OXCT1: variants seen among roughly 807,000 people sequenced by gnomAD.
OXCT1 encodes succinyl-CoA:3-ketoacid coenzyme A transferase 1, mitochondrial.
Under a neutral mutation model 69.6 loss-of-function variants are expected in OXCT1, and 27 were observed. That is an observed-to-expected ratio of 0.39 (90% CI 0.29 to 0.54). The LOEUF (loss-of-function observed/expected upper bound fraction) is 0.54. Ranked by LOEUF, OXCT1 falls within the 20% of genes least tolerant of loss-of-function variation. The probability of loss-of-function intolerance (pLI) is 0.72; values close to 1 mark genes in which losing one functional copy is unlikely to be tolerated. For missense variants in OXCT1, 437 were observed against 650.2 expected (o/e 0.67, Z 3.57); for synonymous variants, 202 against 217.8 (o/e 0.93, Z 0.64).
chr5:41,852,309 T>C lies in OXCT1; in HGVS notation c.414+1110A>G, dbSNP rs550129305. Among the ~76,000 whole-genome samples, 90 of 152,336 alleles carry C rather than the reference T, an allele frequency of 5.9e-4. 1 individual carries two copies. The South Asian group carries it at 0.018, about 30-fold the overall frequency. ...GTGCTATAGAGTGACCAGGTGTGACTGCAACACGAGCCTCAGAATAGTTCC... is the reference window on the plus strand; with the variant it reads ...GTGCTATAGAGTGACCAGGTGTGACCGCAACACGAGCCTCAGAATAGTTCC... On this transcript the variant is annotated intron_variant, in intron 4 of 16. Coordinates refer to ENST00000196371, the MANE Select transcript of OXCT1 (RefSeq NM_000436.4).
At chr5:41,782,472 C>T (rs758388482) in intron 13 of OXCT1, among the ~76,000 whole-genome samples, 1 of 152,192 alleles carries the variant, frequency 6.6e-6, no homozygotes, top group African/African-American at 2.4e-5. Flanking sequence ...CCTTAGCCCC[C>T]CAAAGTGCTG....
chr5:41,794,412 CAG>C, intron 12 of OXCT1: 3 of 595,856 alleles, frequency 5.0e-6, no homozygotes, highest in Non-Finnish European at 8.9e-6. Context: ...TTAGAATCCT[CAG>C]AAAGCACCTT....
chr5:41,794,709 G>GA lies in OXCT1; in HGVS notation c.1139dup (p.Ser381LeufsTer4), dbSNP rs1561082133. The GA allele has an allele frequency of 1.2e-6, 2 of 1,613,670 alleles. No individual in the cohort carries two copies. Among genetic ancestry groups the GA allele is most frequent in the Non-Finnish European group, 1.7e-6 (2 of 1,179,952 alleles). On this transcript the variant is annotated frameshift_variant, in exon 12 of 17. Coordinates refer to ENST00000196371, the MANE Select transcript of OXCT1 (RefSeq NM_000436.4). LOFTEE classifies it high-confidence loss of function. ...TCATTGCAAATGATTCATCGCTGGA[G>GA]AAAAAAGAGGCTCCTGGAAGAATAG...
intron 6 of OXCT1, among the ~76,000 whole-genome samples, chr5:41,841,081 C>T (rs1748605853): frequency 6.6e-6 from 1 of 152,198 alleles, no homozygotes. Context: ...ATAACACCCA[C>T]ATCAGACCCC....
At chr5:41,786,395 G>A (rs1019602658) in intron 13 of OXCT1, among the ~76,000 whole-genome samples, 5 of 152,018 alleles carry the variant, frequency 3.3e-5, no homozygotes, top group South Asian at 4.1e-4. Flanking sequence ...GATCCTGGTG[G>A]GTGCCAAACA....
chr5:41,774,526 G>A (rs1337448080), intron 13 of OXCT1, among the ~76,000 whole-genome samples: 1 of 152,112 alleles, frequency 6.6e-6, no homozygotes, highest in Non-Finnish European at 1.5e-5. Flanking sequence ...CAAAAAGAAT[G>A]GAAGGACAAC....
chr5:41,756,822 A>C (rs1744101408), intron 14 of OXCT1, among the ~76,000 whole-genome samples: 1 of 152,080 alleles, frequency 6.6e-6, no homozygotes, highest in South Asian at 2.1e-4. Flanking sequence ...AGCCATGTGG[A>C]TAGCTAGGAA....
At chr5:41,740,885 T>C (rs182904055) in intron 15 of OXCT1, among the ~76,000 whole-genome samples, 325 of 152,242 alleles carry the variant, frequency 2.1e-3, no homozygotes, top group African/African-American at 7.4e-3. Context: ...TAAAATGTTA[T>C]GCATCCCAGA....
At position 41,789,592 on chromosome 5, in the gene OXCT1, AGTCT is replaced by A. The variant is rs538382512; in HGVS notation, c.1248+4407_1248+4410del. ...AGTAAAGAACCAGTATTTAAGCTCA[AGTCT>A]GTCTAATTCCAAAGTTTTATGAGCT... On this transcript the variant is annotated intron_variant, in intron 13 of 16. Coordinates refer to ENST00000196371, the MANE Select transcript of OXCT1 (RefSeq NM_000436.4). Among the ~76,000 whole-genome samples, 159 of 152,342 alleles carry A rather than the reference AGTCT, an allele frequency of 1.0e-3. 1 individual carries two copies. Among genetic ancestry groups the A allele is most frequent in the Non-Finnish European group, 1.9e-3 (129 of 68,026 alleles).
At chr5:41,754,428 C>T (rs749016034) in intron 14 of OXCT1, among the ~76,000 whole-genome samples, 1 of 151,974 alleles carries the variant, frequency 6.6e-6, no homozygotes, top group African/African-American at 2.4e-5. Context: ...TTATTTGTAA[C>T]ACAAAAGATA....
chr5:41,807,510 T>A, intron 7 of OXCT1, 72 bp from the exon 8 acceptor site: 1 of 834,540 alleles, frequency 1.2e-6, no homozygotes, highest in Non-Finnish European at 2.0e-6. Flanking sequence ...TTAAAAAGTA[T>A]ACACAACTTC....
intron 7 of OXCT1, among the ~76,000 whole-genome samples, chr5:41,820,444 A>G (rs1411170377): frequency 1.3e-5 from 2 of 152,216 alleles, no homozygotes. Flanking sequence ...ATGCACAAAA[A>G]TAATAATCAC....
intron 7 of OXCT1, among the ~76,000 whole-genome samples, chr5:41,830,293 G>C (rs964289677): frequency 2.0e-5 from 3 of 152,168 alleles, no homozygotes; most frequent in Admixed American, 6.5e-5. Context: ...CTTCAGAAAG[G>C]GTTGGTGGAA....
intron 1 of OXCT1, among the ~76,000 whole-genome samples, chr5:41,863,787 T>C (rs1749845986): frequency 6.6e-6 from 1 of 152,238 alleles, no homozygotes; most frequent in South Asian, 2.1e-4. Flanking sequence ...ACCCACCATG[T>C]GTCAAGTCCT....
chr5:41,761,533 C>T (rs1391070616), intron 14 of OXCT1, among the ~76,000 whole-genome samples: 1 of 152,068 alleles, frequency 6.6e-6, no homozygotes, highest in Non-Finnish European at 1.5e-5. Flanking sequence ...TTGGTCACTG[C>T]CACATCCTAG....
intron 5 of OXCT1, among the ~76,000 whole-genome samples, chr5:41,844,706 G>A (rs1748807737): frequency 6.6e-6 from 1 of 151,960 alleles, no homozygotes; most frequent in Non-Finnish European, 1.5e-5. Context: ...TCCAAACAGA[G>A]CTCTTTGATA....
intron 3 of OXCT1, among the ~76,000 whole-genome samples, chr5:41,859,075 G>T (rs949875645): frequency 6.6e-6 from 1 of 152,132 alleles, no homozygotes; most frequent in Non-Finnish European, 1.5e-5. Flanking sequence ...ACTCCATCCT[G>T]CCCGGGGTGT....
rs11425534 is a variant in OXCT1 at position 41,739,709 on chromosome 5, C to CA, written c.1420-219dup. On this transcript the variant is annotated intron_variant, in intron 15 of 16. Transcript: ENST00000196371. ...TGAAACCCCGTCTCTACTAAAAATA[C>CA]AAAAAAAAAAAATTAGCTGGGCATG... The CA allele has an allele frequency of 0.72, 231,679 of 322,066 alleles. 71,557 individuals are homozygous for CA. Among genetic ancestry groups the CA allele is most frequent in the African/African-American group, 0.89 (39,973 of 44,834 alleles). 20.0% of individuals were successfully genotyped at this position (322,066 alleles called of 1,614,324 possible). A position where few individuals can be genotyped will look rare whatever the true frequency, so the allele number is the denominator to read the frequency against.
chr5:41,821,898 T>G (rs1747571393), intron 7 of OXCT1, among the ~76,000 whole-genome samples: 1 of 152,212 alleles, frequency 6.6e-6, no homozygotes, highest in Non-Finnish European at 1.5e-5. Flanking sequence ...TTTTTTTCCC[T>G]GTACAGTGTC....
Sources: gnomAD v4.1 joint callset for allele counts (sites outside exome capture counted in the v4.1 genomes callset) on GRCh38, gnomAD v4.1.1 for gene constraint, MANE v1.5 for transcripts, NCBI Gene and HGNC (gene_info 2026-07-23, HGNC 2026-07-21) for gene names.